The following RPTOR variants were observed in gnomAD, a reference collection of about 807,000 sequenced individuals.
RPTOR encodes regulatory associated protein of MTOR complex 1.
A neutral mutation model predicts 169.9 loss-of-function variants in RPTOR; 21 were observed. That is an observed-to-expected ratio of 0.12 (90% confidence interval 0.09 to 0.18). The LOEUF is 0.18. RPTOR is among the 10% of genes least tolerant of loss of function. The pLI, the probability that RPTOR is intolerant of heterozygous loss-of-function variation, is 1.00. For missense variants in RPTOR, 1,133 were observed against 1,855.9 expected (o/e 0.61, Z 7.16); for synonymous variants, 732 against 753.2 (o/e 0.97, Z 0.46).
intron 4 of RPTOR, among the ~76,000 whole-genome samples, chr17:80,728,954 TAAC>T (rs760198212): frequency 2.0e-5 from 3 of 152,210 alleles, no homozygotes; most frequent in Admixed American, 6.5e-5. Flanking sequence ...CGGACAGTTT[TAAC>T]AACATGTTTG....
intron 1 of RPTOR, among the ~76,000 whole-genome samples, chr17:80,593,975 C>T (rs62068297): frequency 0.17 from 25,285 of 152,096 alleles, 2,226 homozygotes; most frequent in African/African-American, 0.19. Flanking sequence ...CTGAAAAATC[C>T]GAGAACTACC....
chr17:80,668,556 C>T (rs556520505), intron 3 of RPTOR, among the ~76,000 whole-genome samples: 1 of 152,296 alleles, frequency 6.6e-6, no homozygotes, highest in East Asian at 1.9e-4. Flanking sequence ...AAAACAATGA[C>T]CAGTGTCAGA....
At chr17:80,871,113 T>C (rs1366925505) in intron 13 of RPTOR, among the ~76,000 whole-genome samples, 3 of 152,140 alleles carry the variant, frequency 2.0e-5, no homozygotes, top group Non-Finnish European at 4.4e-5. Flanking sequence ...TGCCCAATTT[T>C]TTTTTCGTTT....
intron 3 of RPTOR, among the ~76,000 whole-genome samples, chr17:80,679,429 T>G (rs929268369): frequency 1.1e-4 from 17 of 152,208 alleles, no homozygotes; most frequent in African/African-American, 3.4e-4. Context: ...AAAAGATTTT[T>G]GGGGGGTGGT....
intron 4 of RPTOR, among the ~76,000 whole-genome samples, chr17:80,709,571 C>T (rs754251661): frequency 4.6e-5 from 7 of 152,270 alleles, no homozygotes; most frequent in African/African-American, 7.2e-5. Context: ...CCCACATTCG[C>T]TGTCCCCTGC....
rs1459718443 is a variant in RPTOR at position 80,890,349 on chromosome 17, G to A, written c.1984-1371G>A. On this transcript the variant is annotated intron_variant, in intron 17 of 33. Coordinates refer to ENST00000306801, the MANE Select transcript of RPTOR (RefSeq NM_020761.3). ...CCTGGAAGGGGCCCAGTGGGTGTTC[G>A]CTTTGTCGGAGGCCCCGTCTCGGCA... Among the ~76,000 whole-genome samples the A allele has an allele frequency of 3.3e-5, 5 of 152,336 alleles. No individual in the cohort carries two copies. In the South Asian group the frequency reaches 6.2e-4, roughly 19 times the overall value.
At position 80,862,654 on chromosome 17, in the gene RPTOR, C is replaced by T. The variant is rs113799754; in HGVS notation, c.1509+4754C>T. Among the ~76,000 whole-genome samples the T allele has an allele frequency of 9.9e-3, 1,209 of 122,186 alleles. 6 individuals carry two copies. The highest frequency in any genetic ancestry group is 0.014 in the Non-Finnish European group (857 of 60,694). The allele number at this position is 122,186 out of a possible 152,430, so 80.2% of individuals were successfully genotyped here. On this transcript the variant is annotated intron_variant, in intron 13 of 33. Coordinates refer to ENST00000306801, the MANE Select transcript of RPTOR (RefSeq NM_020761.3). ...CCTCCTCGTGTTGCTGGTGGTCCTCCGGGGCTCCGCCCACCATGATGTCTG... is the reference window on the plus strand; with the variant it reads ...CCTCCTCGTGTTGCTGGTGGTCCTCTGGGGCTCCGCCCACCATGATGTCTG...
chr17:80,623,137 C>T (rs1384423768), intron 1 of RPTOR, among the ~76,000 whole-genome samples: 1 of 152,140 alleles, frequency 6.6e-6, no homozygotes, highest in Non-Finnish European at 1.5e-5. Context: ...CCACTGTCAT[C>T]ATTTTGTTAT....
chr17:80,790,027 A>G (rs900572333), intron 6 of RPTOR, among the ~76,000 whole-genome samples: 4 of 152,214 alleles, frequency 2.6e-5, no homozygotes, highest in Non-Finnish European at 5.9e-5. Flanking sequence ...TTTTATCCAC[A>G]GAGAAATTCT....
intron 21 of RPTOR, 86 bp from the exon 22 acceptor site, chr17:80,922,638 G>A (rs552488074): frequency 3.2e-5 from 34 of 1,079,242 alleles, no homozygotes; most frequent in South Asian, 1.8e-4. Flanking sequence ...ATTCTGAAGC[G>A]GCTCCACGCC....
intron 20 of RPTOR, among the ~76,000 whole-genome samples, chr17:80,908,034 G>A (rs953272193): frequency 1.4e-4 from 22 of 152,184 alleles, no homozygotes; most frequent in African/African-American, 3.6e-4. Context: ...CTTCCTTGGC[G>A]ACGCTGGGGG....
chr17:80,583,892 C>A (rs1321356282), intron 1 of RPTOR, among the ~76,000 whole-genome samples: 1 of 152,214 alleles, frequency 6.6e-6, no homozygotes, highest in African/African-American at 2.4e-5. Flanking sequence ...GACCTTTGCC[C>A]AGGTGTCCAT....
intron 1 of RPTOR, among the ~76,000 whole-genome samples, chr17:80,578,345 C>A (rs1568315336): frequency 6.6e-6 from 1 of 152,134 alleles, no homozygotes; most frequent in Non-Finnish European, 1.5e-5. Flanking sequence ...CCCCTGAACT[C>A]AGGCCTGACT....
At chr17:80,938,399 T>C (rs2068981005) in intron 24 of RPTOR, among the ~76,000 whole-genome samples, 1 of 152,232 alleles carries the variant, frequency 6.6e-6, no homozygotes, top group Non-Finnish European at 1.5e-5. Flanking sequence ...CTCTAATTTA[T>C]TCCCAGAGAA....
At chr17:80,618,662 TAA>T in intron 1 of RPTOR, among the ~76,000 whole-genome samples, 4 of 152,296 alleles carry the variant, frequency 2.6e-5, no homozygotes, top group Admixed American at 2.6e-4. Context: ...GAATTTGGCC[TAA>T]AAAAAGAGTA....
intron 6 of RPTOR, among the ~76,000 whole-genome samples, chr17:80,757,450 T>C (rs147209824): frequency 1.2e-3 from 188 of 152,318 alleles, no homozygotes; most frequent in African/African-American, 4.3e-3. Flanking sequence ...TACCAGTTTA[T>C]GAGGCACACG....
At chr17:80,674,484 G>T (rs939398715) in intron 3 of RPTOR, among the ~76,000 whole-genome samples, 3 of 152,188 alleles carry the variant, frequency 2.0e-5, no homozygotes, top group Admixed American at 2.0e-4. Flanking sequence ...ATGGAAGGGT[G>T]GGGTGGATAC....
intron 1 of RPTOR, among the ~76,000 whole-genome samples, chr17:80,613,117 T>C (rs1406463886): frequency 1.3e-5 from 2 of 152,178 alleles, no homozygotes; most frequent in East Asian, 3.9e-4. Context: ...ATCATCATCC[T>C]GTCCGAGAGT....
rs1179192411 is a variant in RPTOR, at chr17:80,802,602, AAAAG to A, written c.890+11097_890+11100del. The A allele has an allele frequency of 1.9e-4, 29 of 152,534 alleles. 1 individual carries two copies. The allele number at this position is 152,534 out of a possible 1,614,324, so 9.4% of individuals were successfully genotyped here. On this transcript the variant is annotated intron_variant, in intron 7 of 33. Transcript: ENST00000306801. ...AGTGAGACTCCATCTCAAAAAAAAA[AAAAG>A]AAAAGGAAAAGAAAATGCATGTGTC... is the stretch of plus-strand genomic sequence containing the variant.
Sources: gnomAD v4.1 joint callset for allele counts (sites outside exome capture counted in the v4.1 genomes callset) on GRCh38, gnomAD v4.1.1 for gene constraint, MANE v1.5 for transcripts, NCBI Gene and HGNC (gene_info 2026-07-23, HGNC 2026-07-21) for gene names.